EDN1: variants seen among roughly 807,000 people sequenced by gnomAD.
EDN1 encodes the protein endothelin-1.
A neutral mutation model predicts 21.7 loss-of-function variants in EDN1; 11 were observed. The ratio of observed to expected loss-of-function variants is 0.51; its 90% CI spans 0.32 to 0.84. EDN1 has a LOEUF of 0.84. EDN1 is among the 40% of genes least tolerant of loss of function. The probability of loss-of-function intolerance (pLI) is 0.03; values close to 1 mark genes in which losing one functional copy is unlikely to be tolerated. For synonymous variants in EDN1, 85 were observed against 90.6 expected (o/e 0.94, Z 0.35); for missense variants, 244 against 262.3 (o/e 0.93, Z 0.48).
At chr6:12,285,744 AT>A (rs1372078689), upstream of EDN1, among the ~76,000 whole-genome samples, 3 of 151,882 alleles carry the variant, frequency 2.0e-5, no homozygotes, top group African/African-American at 7.3e-5. Flanking sequence ...CTAATTTTGA[AT>A]TTTTAGTAGA....
the EDN1 span, among the ~76,000 whole-genome samples, chr6:12,251,679 G>A: frequency 1.9e-4 from 29 of 152,268 alleles, no homozygotes; most frequent in East Asian, 4.4e-3. Context: ...TTTTCGAACC[G>A]ATACGGCCAG....
At chr6:12,254,954 A>G in the EDN1 span, among the ~76,000 whole-genome samples, 1 of 152,338 alleles carries the variant, frequency 6.6e-6, no homozygotes, top group Admixed American at 6.5e-5. Flanking sequence ...AGTAACTCAG[A>G]AAGAATTTGA....
upstream of EDN1, among the ~76,000 whole-genome samples, chr6:12,285,801 C>T (rs1337202075): frequency 6.6e-6 from 1 of 152,128 alleles, no homozygotes; most frequent in African/African-American, 2.4e-5. Flanking sequence ...AACTCCTGAC[C>T]TCAGGTGATC....
the EDN1 span, among the ~76,000 whole-genome samples, chr6:12,253,321 C>G: frequency 6.6e-6 from 1 of 152,126 alleles, no homozygotes; most frequent in African/African-American, 2.4e-5. Flanking sequence ...TGCTAGACAG[C>G]ATTCTAGTCA....
At chr6:12,271,302 T>C in the EDN1 span, among the ~76,000 whole-genome samples, 24 of 152,302 alleles carry the variant, frequency 1.6e-4, no homozygotes, top group African/African-American at 5.5e-4. Flanking sequence ...TGATTTTCTG[T>C]AGTAATAAAC....
chr6:12,244,007 C>T, the EDN1 span, among the ~76,000 whole-genome samples: 1 of 152,106 alleles, frequency 6.6e-6, no homozygotes, highest in African/African-American at 2.4e-5. Context: ...AGACTTGTAG[C>T]ACAGCCATTC....
chr6:12,252,016 G>T, the EDN1 span, among the ~76,000 whole-genome samples: 1 of 152,136 alleles, frequency 6.6e-6, no homozygotes, highest in Non-Finnish European at 1.5e-5. Context: ...TATATTATTG[G>T]ATTCTAGAAC....
At chr6:12,235,541 T>C in the EDN1 span, among the ~76,000 whole-genome samples, 2 of 152,234 alleles carry the variant, frequency 1.3e-5, no homozygotes, top group Non-Finnish European at 2.9e-5. Context: ...ATGGCTAGTA[T>C]GTAATGCCAA....
At chr6:12,268,797 G>A in the EDN1 span, among the ~76,000 whole-genome samples, 1 of 152,186 alleles carries the variant, frequency 6.6e-6, no homozygotes, top group East Asian at 1.9e-4. Flanking sequence ...TGGCTATTTG[G>A]AGCCTTTTCT....
the EDN1 span, among the ~76,000 whole-genome samples, chr6:12,251,727 C>A: frequency 6.6e-6 from 1 of 152,118 alleles, no homozygotes; most frequent in Non-Finnish European, 1.5e-5. Flanking sequence ...GATGTCACAG[C>A]CTGGATTTCC....
the EDN1 span, among the ~76,000 whole-genome samples, chr6:12,253,446 A>G: frequency 2.0e-5 from 3 of 152,220 alleles, no homozygotes; most frequent in African/African-American, 4.8e-5. Flanking sequence ...CAAAAAATGC[A>G]TAGTATGAAA....
At position 12,295,944 on chromosome 6, in the gene EDN1, C is replaced by T. The variant is rs1561696189; in HGVS notation, c.534-18C>T. ...TTTTTTAAAATAACATTTGTTTTCT[C>T]TTATCTTGCTTTATTAGGTCGGAGA... On this transcript the variant is annotated intron_variant, in intron 4 of 4. Transcript: ENST00000379375. The T allele has an allele frequency of 2.5e-6, 4 of 1,611,226 alleles. No individual in the cohort carries two copies. Among genetic ancestry groups the T allele is most frequent in the Non-Finnish European group, 2.5e-6 (3 of 1,177,744 alleles).
chr6:12,292,444 G>A lies in EDN1; in HGVS notation c.168G>A (p.Ser56=), dbSNP rs753421498. 63 of 1,614,138 alleles carry A rather than the reference G, an allele frequency of 3.9e-5. No individual in the cohort carries two copies. The Admixed American group carries it at 5.2e-4, about 13-fold the overall frequency. The change falls in exon 2 of 5, where the codon TCG becomes TCA. Residue 56 remains serine, a synonymous_variant. Coordinates refer to ENST00000379375, the MANE Select transcript of EDN1 (RefSeq NM_001955.5). Reference sequence around the variant, plus strand: ...GCCGGTCCAAGCGCTGCTCCTGCTCGTCCCTGATGGATAAAGAGTGTGTCT... The same window carrying A: ...GCCGGTCCAAGCGCTGCTCCTGCTCATCCCTGATGGATAAAGAGTGTGTCT... ...RLRRSKRCSC[S]SLMDKECVYF...
In EDN1 at chr6:12,290,454, C is replaced by A. The variant is rs1012129822; in HGVS notation, c.-176C>A. On this transcript the variant is annotated 5_prime_UTR_variant, in exon 1 of 5. Coordinates refer to ENST00000379375, the MANE Select transcript of EDN1 (RefSeq NM_001955.5). ...CGCGTGCGCCTGCAGACGCTCCGCT[C>A]GCTGCCTTCTCTCCTGGCAGGCGCT... 3.2e-6 allele frequency: 2 copies of A among 629,448 alleles called. No homozygotes were observed. The highest frequency in any genetic ancestry group is 5.6e-6 in the Non-Finnish European group (2 of 354,624). The allele number at this position is 629,448 out of a possible 1,614,324, so 39.0% of individuals were successfully genotyped here.
At chr6:12,272,165 C>G in the EDN1 span, among the ~76,000 whole-genome samples, 1 of 152,182 alleles carries the variant, frequency 6.6e-6, no homozygotes, top group African/African-American at 2.4e-5. Flanking sequence ...TCCTCTCTTT[C>G]TTTTTCAGTG....
rs140345259 is a variant in EDN1, at chr6:12,295,964, C to A, written c.536C>A (p.Ser179Ter). The A allele has an allele frequency of 1.2e-6, 2 of 1,613,662 alleles. No homozygotes were observed. Among genetic ancestry groups the A allele is most frequent in the South Asian group, 1.1e-5 (1 of 91,038 alleles). The change falls in exon 5 of 5, where the codon TCG becomes TAG. Residue 179 changes from serine (S) to a stop codon, truncating the protein, a stop_gained and splice_region_variant. Coordinates refer to ENST00000379375, the MANE Select transcript of EDN1 (RefSeq NM_001955.5). LOFTEE classifies it high-confidence loss of function. ...SSEEHLRQTR[S>*]ETMRNSVKSS... ...TTTCTCTTATCTTGCTTTATTAGGT[C>A]GGAGACCATGAGAAACAGCGTCAAA... is the stretch of plus-strand genomic sequence containing the variant.
the EDN1 span, among the ~76,000 whole-genome samples, chr6:12,251,928 G>A: frequency 6.6e-6 from 1 of 152,182 alleles, no homozygotes; most frequent in Non-Finnish European, 1.5e-5. Context: ...AGCACAGAGA[G>A]ATGGATCTGA....
At chr6:12,274,976 C>A in the EDN1 span, among the ~76,000 whole-genome samples, 1 of 142,516 alleles carries the variant, frequency 7.0e-6, no homozygotes, top group East Asian at 2.0e-4. Flanking sequence ...CTTCCTTGCT[C>A]CTTCCTTCCC....
At chr6:12,293,196 C>G (rs993199330) in intron 2 of EDN1, among the ~76,000 whole-genome samples, 2 of 152,236 alleles carry the variant, frequency 1.3e-5, no homozygotes, top group Non-Finnish European at 2.9e-5. Context: ...CACACATTTA[C>G]TATGCATACA....
Sources: allele counts gnomAD v4.1 joint callset (sites outside exome capture counted in the v4.1 genomes callset), GRCh38; gene constraint gnomAD v4.1.1; transcripts MANE v1.5; gene names NCBI Gene and HGNC (gene_info 2026-07-23, HGNC 2026-07-21).